The following MTRF1 variants were observed in gnomAD, a reference collection of about 807,000 sequenced individuals.
The protein encoded by MTRF1 is peptide chain release factor 1, mitochondrial.
A neutral mutation model predicts 62.9 loss-of-function variants in MTRF1; 51 were observed. The observed-to-expected ratio is 0.81, with a 90% confidence interval of 0.65 to 1.02. The LOEUF is 1.02. Among genes scored for constraint, MTRF1 ranks in the 50% least tolerant of loss-of-function variants. The pLI, the probability that MTRF1 is intolerant of heterozygous loss-of-function variation, is 0.00. For missense variants in MTRF1, 446 were observed against 530.0 expected, an observed-to-expected ratio of 0.84 and a Z score of 1.56; for synonymous variants, 158 against 181.9, an observed-to-expected ratio of 0.87 and a Z score of 1.06.
At chr13:41,265,660 C>T (rs2040825947), upstream of MTRF1, among the ~76,000 whole-genome samples, 1 of 108,708 alleles carries the variant, frequency 9.2e-6, no homozygotes, top group African/African-American at 2.9e-5. Flanking sequence ...ATCTTGCTCA[C>T]TGTCCCTGCC....
chr13:41,276,207 G>A, the MTRF1 span, among the ~76,000 whole-genome samples: 1 of 150,634 alleles, frequency 6.6e-6, no homozygotes, highest in Non-Finnish European at 1.5e-5. Flanking sequence ...GTTTCACTCT[G>A]TTGCTCAGGC....
chr13:41,311,520 C>T, the MTRF1 span: 3 of 1,599,008 alleles, frequency 1.9e-6, no homozygotes, highest in East Asian at 2.3e-5. Context: ...AGCCTCCCTG[C>T]CGGCCACGAT....
At chr13:41,311,880 C>T in the MTRF1 span, among the ~76,000 whole-genome samples, 1 of 152,244 alleles carries the variant, frequency 6.6e-6, no homozygotes, top group African/African-American at 2.4e-5. Flanking sequence ...CCGCCTCGGC[C>T]GGTAGTGGCT....
the MTRF1 span, among the ~76,000 whole-genome samples, chr13:41,297,930 A>G: frequency 6.6e-6 from 1 of 152,190 alleles, no homozygotes; most frequent in Non-Finnish European, 1.5e-5. Flanking sequence ...CTCTATGACA[A>G]TATAAACTGC....
the MTRF1 span, among the ~76,000 whole-genome samples, chr13:41,290,092 T>C: frequency 7.7e-6 from 1 of 130,668 alleles, no homozygotes; most frequent in Non-Finnish European, 1.7e-5. Context: ...AATAGTTCTT[T>C]TTTTTTTTTT....
Position 41,252,693 on chromosome 13 carries a change from A to G in MTRF1, c.649T>C (p.Tyr217His). The G allele has an allele frequency of 6.2e-7, 1 of 1,613,816 alleles. No homozygotes were observed. The highest frequency in any genetic ancestry group is 8.5e-7 in the Non-Finnish European group (1 of 1,179,860). Residue 217 changes from tyrosine (Y) to histidine (H), a missense_variant, in exon 5 of 10, where the codon TAT becomes CAT. Coordinates refer to ENST00000379480, the MANE Select transcript of MTRF1 (RefSeq NM_004294.4). Reference protein sequence around the residue: ...IFDMYQNYSCYKHWQFELLNY... With the variant: ...IFDMYQNYSCHKHWQFELLNY... ...AGAAGTTCAAATTGCCAGTGTTTATAGCACGAATAATTCTGGTACATGTCA... is the reference window on the plus strand; with the variant it reads ...AGAAGTTCAAATTGCCAGTGTTTATGGCACGAATAATTCTGGTACATGTCA...
intron 8 of MTRF1, 53 bp from the exon 9 acceptor site, chr13:41,223,407 A>G (rs1303546130): frequency 9.0e-6 from 13 of 1,443,506 alleles, no homozygotes; most frequent in Non-Finnish European, 1.3e-5. Context: ...TGTCTTCATT[A>G]CAATGGAAAA....
Position 41,233,958 on chromosome 13 carries a change from G to A in MTRF1, c.920C>T (p.Ala307Val), listed in dbSNP as rs1431483639. 1.9e-6 allele frequency: 3 copies of A among 1,614,034 alleles called. No homozygotes were observed. In the Admixed American group the frequency reaches 5.0e-5, roughly 27 times the overall value. Residue 307 changes from alanine (A) to valine (V), a missense_variant, in exon 7 of 10, where the codon GCC becomes GTC. Coordinates refer to ENST00000379480, the MANE Select transcript of MTRF1 (RefSeq NM_004294.4). Reference sequence around the variant, plus strand: ...AACATGCTGCCCTCCTGCTCCTTTGGCTCGAAATGTATCTATTCGCAAATC... The same window carrying A: ...AACATGCTGCCCTCCTGCTCCTTTGACTCGAAATGTATCTATTCGCAAATC... ...PKDLRIDTFRAKGAGGQHVNK... is the reference protein window; with the variant it reads ...PKDLRIDTFRVKGAGGQHVNK...
the MTRF1 span, among the ~76,000 whole-genome samples, chr13:41,282,193 A>G: frequency 6.6e-6 from 1 of 152,140 alleles, no homozygotes; most frequent in South Asian, 2.1e-4. Context: ...TAGGCTGACC[A>G]GCTGGTAAGA....
At chr13:41,302,738 C>T in the MTRF1 span, among the ~76,000 whole-genome samples, 1 of 151,858 alleles carries the variant, frequency 6.6e-6, no homozygotes, top group African/African-American at 2.4e-5. Context: ...GTTGCCCATG[C>T]TGGTCTCAAA....
Position 41,260,676 on chromosome 13 carries a change from A to T in MTRF1, c.232T>A (p.Tyr78Asn). 1.9e-6 allele frequency: 3 copies of T among 1,614,130 alleles called. No individual in the cohort carries two copies. Among genetic ancestry groups the T allele is most frequent in the Non-Finnish European group, 2.5e-6 (3 of 1,180,022 alleles). ...MLWKHKALQKYMENLSKEYQT... is the reference protein window; with the variant it reads ...MLWKHKALQKNMENLSKEYQT... ...TACTCCTTACTCAGGTTCTCCATAT[A>T]TTTCTGTAGTGCTTTATGCTTCCAG... The change falls in exon 2 of 10, where the codon TAT (tyrosine) becomes AAT (asparagine). Residue 78 changes from tyrosine to asparagine, a missense_variant. By Grantham distance (143) the Tyr-to-Asn change is moderately radical (BLOSUM62 -2). Transcript: ENST00000379480.
the MTRF1 span, chr13:41,288,181 T>C: frequency 1.7e-3 from 847 of 490,078 alleles, no homozygotes; most frequent in Non-Finnish European, 2.8e-3. Flanking sequence ...GCTTTCCATC[T>C]ACCTTAACAT....
In MTRF1 at chr13:41,226,479, T is replaced by C; in HGVS notation, c.1078A>G (p.Ile360Val). The C allele has an allele frequency of 9.9e-6, 16 of 1,613,572 alleles. No individual in the cohort carries two copies. Among genetic ancestry groups the C allele is most frequent in the African/African-American group, 1.3e-5 (1 of 75,034 alleles). The change falls in exon 8 of 10, where the codon ATT becomes GTT. Residue 360 changes from isoleucine (I) to valine (V), a missense_variant. Ile to Val is a conservative substitution (Grantham distance 29). Transcript: ENST00000379480. Reference sequence around the variant, plus strand: ...TGCTGACGCTTGTCTTTCTCAATAATCTGCTGGTAGAGTCTAGCTCTCAAC... The same window carrying C: ...TGCTGACGCTTGTCTTTCTCAATAACCTGCTGGTAGAGTCTAGCTCTCAAC... ...RVLRARLYQQ[I>V]IEKDKRQQQS...
the MTRF1 span, among the ~76,000 whole-genome samples, chr13:41,277,536 G>A: frequency 3.3e-5 from 5 of 152,252 alleles, no homozygotes; most frequent in Admixed American, 3.3e-4. Flanking sequence ...TATTACAAAG[G>A]ATATAGAAGA....
the MTRF1 span, among the ~76,000 whole-genome samples, chr13:41,283,421 T>C: frequency 6.6e-5 from 10 of 152,180 alleles, no homozygotes; most frequent in African/African-American, 1.9e-4. Context: ...TGCCCCTTCA[T>C]TGGAAATTCT....
rs561889125 is a variant in MTRF1 at position 41,256,534 on chromosome 13, C to T, written c.416-1914G>A. The stretch of plus-strand genomic sequence containing the variant: ...TAGAGACGGGGTTTCACCATGTTGG[C>T]AGGCTGGTCTTCATCTCCTGACCTC... On this transcript the variant is annotated intron_variant, in intron 2 of 9. Coordinates refer to ENST00000379480, the MANE Select transcript of MTRF1 (RefSeq NM_004294.4). 5.9e-5 allele frequency among the ~76,000 whole-genome samples: 9 copies of T among 152,094 alleles called. 1 individual carries two copies. In the South Asian group the frequency reaches 1.7e-3, roughly 28 times the overall value.
chr13:41,274,331 G>A, the MTRF1 span, among the ~76,000 whole-genome samples: 7 of 152,276 alleles, frequency 4.6e-5, no homozygotes, highest in East Asian at 3.9e-4. Flanking sequence ...GTTTCAGCTC[G>A]AGGATGACTT....
chr13:41,288,516 T>C, the MTRF1 span, among the ~76,000 whole-genome samples: 6 of 152,230 alleles, frequency 3.9e-5, no homozygotes, highest in Admixed American at 2.0e-4. Context: ...ACATGGACAA[T>C]TGGAAAAAGA....
At chr13:41,264,064 C>A (rs9590580), upstream of MTRF1, among the ~76,000 whole-genome samples, 13,797 of 152,082 alleles carry the variant, frequency 0.091, 861 homozygotes, top group African/African-American at 0.17. Context: ...GTATTAGAAG[C>A]CCGTAAAGCA....
Sources: gnomAD v4.1 joint callset for allele counts (sites outside exome capture counted in the v4.1 genomes callset) on GRCh38, gnomAD v4.1.1 for gene constraint, MANE v1.5 for transcripts, NCBI Gene and HGNC (gene_info 2026-07-23, HGNC 2026-07-21) for gene names.